Variants in DSC2 observed in about 807,000 individuals in gnomAD.
DSC2 encodes desmocollin-2.
In DSC2, 51 loss-of-function variants were observed where a neutral mutation model predicts 87.6. The ratio of observed to expected loss-of-function variants is 0.58; its 90% CI spans 0.46 to 0.74. DSC2 has a LOEUF of 0.74. DSC2 is among the 30% of genes least tolerant of loss of function. DSC2 has a pLI of 0.00. For synonymous variants in DSC2, 383 were observed against 393.2 expected, an observed-to-expected ratio of 0.97 and a Z score of 0.31; for missense variants, 1,066 against 1,089.5, an observed-to-expected ratio of 0.98 and a Z score of 0.30.
Position 31,067,800 on chromosome 18 carries a change from GAAGAT to G in DSC2, c.*210_*214del. The G allele has an allele frequency of 1.9e-6, 1 of 537,320 alleles. No individual in the cohort carries two copies. Among genetic ancestry groups the G allele is most frequent in the Non-Finnish European group, 3.3e-6 (1 of 302,496 alleles). 33.3% of individuals were successfully genotyped at this position (537,320 alleles called of 1,614,324 possible). The stretch of plus-strand genomic sequence containing the variant: ...ATTTCTCTGTAGACCTCCTTGGATA[GAAGAT>G]AAGTAATTTAAAAATATGTAAAAAT... On this transcript the variant is annotated 3_prime_UTR_variant, in exon 16 of 16. Transcript: ENST00000280904.
chr18:31,068,109 C>T lies in DSC2; in HGVS notation c.2612G>A (p.Cys871Tyr), dbSNP rs1380165886. 6.8e-6 allele frequency: 11 copies of T among 1,613,944 alleles called. No homozygotes were observed. The highest frequency in any genetic ancestry group is 1.3e-5 in the African/African-American group (1 of 74,906). ...ATCTTCTTCTTGTCGTTCACTGCAA[C>T]AACCTACAGACCCAGCCACCGATCC... ...GRGSVAGSVG[C>Y]CSERQEEDGL... Residue 871 changes from cysteine (C) to tyrosine (Y), a missense_variant, in exon 16 of 16, where the codon TGT (cysteine) becomes TAT (tyrosine). Transcript: ENST00000280904.
At position 31,066,273 on chromosome 18, in the gene DSC2, T is replaced by C. The variant is rs1312444576; in HGVS notation, c.*1742A>G. 3 of 152,088 alleles carry C rather than the reference T, an allele frequency of 2.0e-5. No homozygotes were observed. Among genetic ancestry groups the C allele is most frequent in the Admixed American group, 2.0e-4 (3 of 15,250 alleles). The allele number at this position is 152,088 out of a possible 1,614,324, so 9.4% of individuals were successfully genotyped here. A position where few individuals can be genotyped will look rare whatever the true frequency, so the allele number is the denominator to read the frequency against. ...CATTTTAAAAAATGTATAACAGGAA[T>C]CTAAGGAAGGGGTCTTACTTCTCTG... On this transcript the variant is annotated 3_prime_UTR_variant, in exon 16 of 16. Transcript: ENST00000280904.
chr18:31,063,026 A>G lies in DSC2; in HGVS notation c.*4989T>C, dbSNP rs1423548287. ...TTTTTTCCTTTATGACCTGGGCAATATAATTTGATGAATCAAAATTTGGCC... is the reference window on the plus strand; with the variant it reads ...TTTTTTCCTTTATGACCTGGGCAATGTAATTTGATGAATCAAAATTTGGCC... On this transcript the variant is annotated 3_prime_UTR_variant, in exon 16 of 16. Transcript: ENST00000280904. The G allele has an allele frequency of 1.3e-5, 2 of 152,176 alleles. No homozygotes were observed. The highest frequency in any genetic ancestry group is 2.9e-5 in the Non-Finnish European group (2 of 68,034). The allele number at this position is 152,176 out of a possible 1,614,324, so 9.4% of individuals were successfully genotyped here.
Position 31,073,078 on chromosome 18 carries a change from C to T in DSC2, c.1889-1237G>A, listed in dbSNP as rs556648433. ...CGTTTTTGACACTAAGCTTAACTGA[C>T]TTCAAAGCCTCTTTAGGGTATATTC... On this transcript the variant is annotated intron_variant, in intron 12 of 15. Transcript: ENST00000280904. Among the ~76,000 whole-genome samples, 11 of 152,252 alleles carry T rather than the reference C, an allele frequency of 7.2e-5. No individual in the cohort carries two copies. In the South Asian group the frequency reaches 2.1e-3, roughly 29 times the overall value.
At chr18:31,093,749 G>T in intron 1 of DSC2, 106 bp from the exon 2 acceptor site, 1 of 379,974 alleles carries the variant, frequency 2.6e-6, no homozygotes, top group Non-Finnish European at 3.9e-6. Context: ...CACATAAAAA[G>T]GCATATAATA....
At chr18:31,068,843 A>G (rs1341883339) in intron 15 of DSC2, 51 bp downstream of exon 15, 5 of 1,602,952 alleles carry the variant, frequency 3.1e-6, no homozygotes, top group Non-Finnish European at 4.3e-6. Flanking sequence ...AGTTATTTAT[A>G]AAGTTTAAAG....
intron 1 of DSC2, among the ~76,000 whole-genome samples, chr18:31,097,127 A>C (rs1260193916): frequency 6.9e-6 from 1 of 145,184 alleles, no homozygotes; most frequent in Non-Finnish European, 1.5e-5. Context: ...CTAAAAATAC[A>C]AAAAAAAAAA....
chr18:31,093,390 G>A (rs1987663637), intron 2 of DSC2, among the ~76,000 whole-genome samples, 169 bp downstream of exon 2: 1 of 152,172 alleles, frequency 6.6e-6, no homozygotes, highest in Non-Finnish European at 1.5e-5. Flanking sequence ...AACATGCAGT[G>A]TTTGATTTTC....
chr18:31,074,918 G>C lies in DSC2; in HGVS notation c.1664-11C>G. The C allele has an allele frequency of 6.2e-7, 1 of 1,606,788 alleles. No individual in the cohort carries two copies. The highest frequency in any genetic ancestry group is 8.5e-7 in the Non-Finnish European group (1 of 1,175,934). ...TACATGTTCTCCCTCCTAGAAAAAT[G>C]AAAATAAAAATAGTTTTTCTATGTT... On this transcript the variant is annotated splice_polypyrimidine_tract_variant and intron_variant, in intron 11 of 15. Transcript: ENST00000280904.
At chr18:31,093,051 G>T (rs1371367921) in intron 2 of DSC2, among the ~76,000 whole-genome samples, 4 of 152,180 alleles carry the variant, frequency 2.6e-5, no homozygotes, top group Middle Eastern at 3.4e-3. Flanking sequence ...TACTACATTA[G>T]TTTTATCTAC....
intron 13 of DSC2, 150 bp downstream of exon 13, chr18:31,071,455 A>G: frequency 2.7e-6 from 2 of 731,740 alleles, no homozygotes; most frequent in Non-Finnish European, 4.8e-6. Flanking sequence ...GCTGAGGCAT[A>G]AGAATCACTG....
At chr18:31,076,979 T>A (rs918420327) in intron 11 of DSC2, among the ~76,000 whole-genome samples, 1 of 152,024 alleles carries the variant, frequency 6.6e-6, no homozygotes, top group Non-Finnish European at 1.5e-5. Context: ...TTAAACCAAG[T>A]CAAAGTGTCA....
In DSC2 at chr18:31,061,554, A is replaced by C. The variant is rs896040155; in HGVS notation, c.*6461T>G. 1 of 152,204 alleles carries C rather than the reference A, an allele frequency of 6.6e-6. No homozygotes were observed. The highest frequency in any genetic ancestry group is 2.4e-5 in the African/African-American group (1 of 41,464). The allele number at this position is 152,204 out of a possible 1,614,324, so 9.4% of individuals were successfully genotyped here. ...ATCCATGACACAGTAAAATTCCTCT[A>C]TAAAACAAGATTTAGGGTGTGTTCT... On this transcript the variant is annotated 3_prime_UTR_variant, in exon 16 of 16. Transcript: ENST00000280904.
At position 31,074,821 on chromosome 18, in the gene DSC2, T is replaced by A. The variant is rs755041461; in HGVS notation, c.1750A>T (p.Ile584Phe). ...GCAGATGACATGGTGGGTTTGCAGATGATCACTGTCTTTTTAGGTATGAAT... is the reference window on the plus strand; with the variant it reads ...GCAGATGACATGGTGGGTTTGCAGAAGATCACTGTCTTTTTAGGTATGAAT... ...SPFIPKKTVI[I>F]CKPTMSSAEI... The change falls in exon 12 of 16, where the codon ATC becomes TTC. Residue 584 changes from isoleucine (I) to phenylalanine (F), a missense_variant. Physicochemically the swap from Ile to Phe is conservative, Grantham distance 21. Coordinates refer to ENST00000280904, the MANE Select transcript of DSC2 (RefSeq NM_024422.6). 9.9e-6 allele frequency: 16 copies of A among 1,613,928 alleles called. No individual in the cohort carries two copies. The Admixed American group carries it at 2.2e-4, about 22-fold the overall frequency.
rs1350045782 is a variant in DSC2, at chr18:31,101,951, G to C, written c.21C>G (p.Ser7=). ...GGCAGAGGGCTCCGTTCCAGGAGCC[G>C]GAGGGGCGGGCTGCCTCCATGGAGA... MEAARP[S]GSWNGALCRL... Residue 7 remains serine, a synonymous_variant, in exon 1 of 16, where the codon TCC becomes TCG. Coordinates refer to ENST00000280904, the MANE Select transcript of DSC2 (RefSeq NM_024422.6). The C allele has an allele frequency of 6.5e-7, 1 of 1,527,502 alleles. No homozygotes were observed. Among genetic ancestry groups the C allele is most frequent in the Admixed American group, 2.0e-5 (1 of 50,286 alleles). The allele number at this position is 1,527,502 out of a possible 1,614,324, so 94.6% of individuals were successfully genotyped here.
intron 14 of DSC2, 65 bp from the exon 15 acceptor site, chr18:31,069,216 A>T: frequency 6.2e-7 from 1 of 1,600,378 alleles, no homozygotes; most frequent in Non-Finnish European, 8.5e-7. Flanking sequence ...GAAAAAGAAC[A>T]ACATCAAGCG....
At chr18:31,071,956 G>C (rs1199730537) in intron 12 of DSC2, 115 bp from the exon 13 acceptor site, 2 of 934,230 alleles carry the variant, frequency 2.1e-6, no homozygotes, top group African/African-American at 3.3e-5. Flanking sequence ...TTCCTGATGG[G>C]ATGGCATAGC....
At position 31,087,660 on chromosome 18, in the gene DSC2, G is replaced by T; in HGVS notation, c.775+9C>A. Reference sequence around the variant, plus strand: ...TAATTTGCCATATATTGTTTAAGGAGGTACTCACCCACTCTGCAATTTTCA... The same window carrying T: ...TAATTTGCCATATATTGTTTAAGGATGTACTCACCCACTCTGCAATTTTCA... On this transcript the variant is annotated intron_variant, in intron 6 of 15. Coordinates refer to ENST00000280904, the MANE Select transcript of DSC2 (RefSeq NM_024422.6). The T allele has an allele frequency of 6.2e-7, 1 of 1,610,102 alleles. No individual in the cohort carries two copies. Among genetic ancestry groups the T allele is most frequent in the Non-Finnish European group, 8.5e-7 (1 of 1,179,062 alleles).
At chr18:31,076,843 A>T (rs1333546147) in intron 11 of DSC2, among the ~76,000 whole-genome samples, 2 of 152,234 alleles carry the variant, frequency 1.3e-5, no homozygotes, top group Non-Finnish European at 2.9e-5. Flanking sequence ...AGCTACCTAA[A>T]TATATTAACT....
Sources: gnomAD v4.1 joint callset for allele counts (sites outside exome capture counted in the v4.1 genomes callset) on GRCh38, gnomAD v4.1.1 for gene constraint, MANE v1.5 for transcripts, NCBI Gene and HGNC (gene_info 2026-07-23, HGNC 2026-07-21) for gene names.